EPB41L2: variants seen among roughly 807,000 people sequenced by gnomAD.
EPB41L2 encodes band 4.1-like protein 2.
A neutral mutation model predicts 113.0 loss-of-function variants in EPB41L2; 43 were observed. The observed-to-expected ratio is 0.38, with a 90% CI of 0.30 to 0.49. EPB41L2 has a LOEUF of 0.49. Among genes scored for constraint, EPB41L2 ranks in the 20% least tolerant of loss-of-function variants. EPB41L2 has a pLI of 0.95. For missense variants in EPB41L2, 1,147 were observed against 1,223.4 expected, an observed-to-expected ratio of 0.94 and a Z score of 0.93; for synonymous variants, 442 against 436.7, an observed-to-expected ratio of 1.01 and a Z score of -0.15.
chr6:131,052,844 G>A (rs1047581951), intron 1 of EPB41L2, among the ~76,000 whole-genome samples: 1 of 152,038 alleles, frequency 6.6e-6, no homozygotes, highest in African/African-American at 2.4e-5. Flanking sequence ...CACTCGCCCT[G>A]CTAACCTCAC....
At chr6:131,009,154 G>A (rs552804329) in intron 1 of EPB41L2, among the ~76,000 whole-genome samples, 2 of 152,202 alleles carry the variant, frequency 1.3e-5, no homozygotes, top group African/African-American at 2.4e-5. Flanking sequence ...GGGCCAGGTG[G>A]AGTTAAGTGA....
chr6:130,863,812 G>A, intron 17 of EPB41L2, 94 bp from the exon 18 acceptor site: 1 of 751,106 alleles, frequency 1.3e-6, no homozygotes, highest in Non-Finnish European at 2.3e-6. Flanking sequence ...ACCTAGACCT[G>A]TGGATCATTG....
intron 1 of EPB41L2, chr6:131,062,359 T>C (rs1248309925): frequency 1.3e-5 from 2 of 151,868 alleles, no homozygotes; most frequent in Non-Finnish European, 2.9e-5. Context: ...TAGGTTCTCC[T>C]CGCCCTTCCC....
intron 1 of EPB41L2, among the ~76,000 whole-genome samples, chr6:130,979,303 T>A: frequency 6.6e-6 from 1 of 151,656 alleles, no homozygotes; most frequent in East Asian, 1.9e-4. Context: ...CTGGCCAACA[T>A]AGCAAAACCC....
intron 1 of EPB41L2, among the ~76,000 whole-genome samples, chr6:131,043,256 T>A (rs1976982): frequency 3.3e-5 from 5 of 151,840 alleles, no homozygotes; most frequent in Non-Finnish European, 7.4e-5. Flanking sequence ...AGCCAAAATC[T>A]CGCCGCTGCA....
At chr6:130,920,508 T>C (rs1277811032) in intron 4 of EPB41L2, among the ~76,000 whole-genome samples, 1 of 152,162 alleles carries the variant, frequency 6.6e-6, no homozygotes, top group Non-Finnish European at 1.5e-5. Flanking sequence ...TTTTCTTTCT[T>C]CTTTTTAGGC....
chr6:130,930,040 C>A (rs1806271062), intron 3 of EPB41L2, among the ~76,000 whole-genome samples: 1 of 152,090 alleles, frequency 6.6e-6, no homozygotes, highest in African/African-American at 2.4e-5. Flanking sequence ...GTTATATACA[C>A]CACTCATTCC....
At chr6:130,880,883 A>G (rs555086559) in intron 12 of EPB41L2, 104 of 178,862 alleles carry the variant, frequency 5.8e-4, no homozygotes, top group Admixed American at 1.1e-3. Context: ...ATTCGTTTTT[A>G]GCTTTATATT....
At chr6:130,983,148 A>G (rs1292952531) in intron 1 of EPB41L2, among the ~76,000 whole-genome samples, 1 of 152,198 alleles carries the variant, frequency 6.6e-6, no homozygotes, top group African/African-American at 2.4e-5. Context: ...CTAGTACCAT[A>G]AAGTTCTCAA....
chr6:131,000,136 G>C (rs1051061222), intron 1 of EPB41L2, among the ~76,000 whole-genome samples: 2 of 143,962 alleles, frequency 1.4e-5, no homozygotes, highest in African/African-American at 2.7e-5. Context: ...ACCGTATAAA[G>C]ATGTGGAATA....
intron 12 of EPB41L2, among the ~76,000 whole-genome samples, chr6:130,884,436 G>A (rs1790281118): frequency 6.6e-6 from 1 of 152,138 alleles, no homozygotes; most frequent in Admixed American, 6.5e-5. Context: ...GCAAAAAAAA[G>A]TCGCTTTGTG....
chr6:131,012,638 TCCCC>T (rs1454501422), intron 1 of EPB41L2, among the ~76,000 whole-genome samples: 3 of 150,650 alleles, frequency 2.0e-5, no homozygotes, highest in Non-Finnish European at 3.0e-5. Context: ...CCAATAGATA[TCCCC>T]AATAGAAGAG....
intron 1 of EPB41L2, among the ~76,000 whole-genome samples, chr6:131,026,627 TA>T (rs1046855786): frequency 1.2e-4 from 19 of 152,164 alleles, no homozygotes; most frequent in African/African-American, 4.3e-4. Context: ...TTTGTACCAA[TA>T]AACCCATCTT....
At chr6:130,940,603 C>A (rs1433639057) in intron 3 of EPB41L2, among the ~76,000 whole-genome samples, 1 of 151,856 alleles carries the variant, frequency 6.6e-6, no homozygotes, top group Non-Finnish European at 1.5e-5. Flanking sequence ...GTAGCTGAGA[C>A]TACAGGTGCC....
Position 130,846,150 on chromosome 6 carries a change from C to T in EPB41L2, c.*6-5552G>A, listed in dbSNP as rs73631094. Among the ~76,000 whole-genome samples, 1,264 of 152,182 alleles carry T rather than the reference C, an allele frequency of 8.3e-3. 29 individuals are homozygous for T. The highest frequency in any genetic ancestry group is 0.029 in the African/African-American group (1,216 of 41,502). Reference sequence around the variant, plus strand: ...GGCCACCATGAGCTTGATAGCTTCCCGATATTAAGACTCTTGAGGAGATCA... The same window carrying T: ...GGCCACCATGAGCTTGATAGCTTCCTGATATTAAGACTCTTGAGGAGATCA... On this transcript the variant is annotated intron_variant, in intron 19 of 19. Coordinates refer to ENST00000337057, the MANE Select transcript of EPB41L2 (RefSeq NM_001431.4).
intron 4 of EPB41L2, among the ~76,000 whole-genome samples, chr6:130,909,120 C>A (rs1449392730): frequency 6.6e-6 from 1 of 152,176 alleles, no homozygotes; most frequent in Non-Finnish European, 1.5e-5. Flanking sequence ...CATTCTCCTG[C>A]ATCTAAAATG....
intron 1 of EPB41L2, among the ~76,000 whole-genome samples, chr6:131,016,468 T>A (rs1361067545): frequency 2.3e-5 from 3 of 127,836 alleles, no homozygotes; most frequent in Non-Finnish European, 4.9e-5. Context: ...ATTAAGCATT[T>A]AATAAGGAAA....
intron 3 of EPB41L2, among the ~76,000 whole-genome samples, chr6:130,942,376 A>G (rs1463096771): frequency 6.6e-6 from 1 of 152,230 alleles, no homozygotes; most frequent in Non-Finnish European, 1.5e-5. Flanking sequence ...GCTGAAAAAC[A>G]AAAACTATGT....
chr6:130,936,544 A>G (rs1401608084), intron 3 of EPB41L2, among the ~76,000 whole-genome samples: 2 of 151,560 alleles, frequency 1.3e-5, no homozygotes, highest in Non-Finnish European at 2.9e-5. Context: ...TTGCAAATAT[A>G]TAAGTGGCAT....
Sources: gnomAD v4.1 joint callset for allele counts (sites outside exome capture counted in the v4.1 genomes callset) on GRCh38, gnomAD v4.1.1 for gene constraint, MANE v1.5 for transcripts, NCBI Gene and HGNC (gene_info 2026-07-23, HGNC 2026-07-21) for gene names.